DENND4C: variants seen among roughly 807,000 people sequenced by gnomAD.
DENND4C encodes DENN domain-containing protein 4C.
In DENND4C, 108 loss-of-function variants were observed where a neutral mutation model predicts 203.0. That is an observed-to-expected ratio of 0.53 (90% CI 0.46 to 0.62). The LOEUF is 0.62. Ranked by LOEUF, DENND4C falls within the 20% of genes least tolerant of loss-of-function variation. The pLI, the probability that DENND4C is intolerant of heterozygous loss-of-function variation, is 0.00. For missense variants in DENND4C, 2,481 were observed against 2,301.2 expected, an observed-to-expected ratio of 1.08 and a Z score of -1.60; for synonymous variants, 871 against 792.4, an observed-to-expected ratio of 1.10 and a Z score of -1.67.
chr9:19,316,648 C>A lies in DENND4C; in HGVS notation c.1616C>A (p.Ala539Glu). ...SVHQKTQEGS[A>E]IDMTPIEADF... The stretch of plus-strand genomic sequence containing the variant: ...CACCAAAAAACTCAAGAAGGCTCAG[C>A]GATTGACATGACTCCAATTGAAGCA... The change falls in exon 12 of 33, where the codon GCG (alanine) becomes GAG (glutamate). Residue 539 changes from alanine (A) to glutamate (E), a missense_variant. This residue lies in a region of DENND4C where 2,289 missense variants were observed against 2,113.3 expected (regional missense o/e 1.08). Transcript: ENST00000434457. 1 of 1,613,920 alleles carries A rather than the reference C, an allele frequency of 6.2e-7. No homozygotes were observed.
At chr9:19,318,057 G>T (rs1413068931) in intron 12 of DENND4C, among the ~76,000 whole-genome samples, 1 of 152,196 alleles carries the variant, frequency 6.6e-6, no homozygotes, top group Non-Finnish European at 1.5e-5. Flanking sequence ...AGTGGCTCAC[G>T]CCTGTAATCC....
intron 1 of DENND4C, among the ~76,000 whole-genome samples, chr9:19,253,875 T>A (rs1318409805): frequency 6.6e-6 from 1 of 152,174 alleles, no homozygotes; most frequent in Non-Finnish European, 1.5e-5. Flanking sequence ...GCAAGGTGGC[T>A]CATTCCTGTA....
chr9:19,254,280 G>A (rs1020062017), intron 1 of DENND4C, among the ~76,000 whole-genome samples: 1 of 152,158 alleles, frequency 6.6e-6, no homozygotes, highest in Non-Finnish European at 1.5e-5. Context: ...AGAGATATCT[G>A]TACCCCCATG....
At chr9:19,283,897 A>T (rs1198428753) in intron 2 of DENND4C, among the ~76,000 whole-genome samples, 2 of 152,060 alleles carry the variant, frequency 1.3e-5, no homozygotes. Flanking sequence ...GCCCGCCCAG[A>T]TGCATTTCTT....
At position 19,358,280 on chromosome 9, in the gene DENND4C, C is replaced by T; in HGVS notation, c.5160+120C>T. The T allele has an allele frequency of 1.2e-6, 1 of 809,752 alleles. No individual in the cohort carries two copies. The highest frequency in any genetic ancestry group is 3.4e-5 in the South Asian group (1 of 29,518). 50.2% of individuals were successfully genotyped at this position (809,752 alleles called of 1,614,324 possible). A position where few individuals can be genotyped will look rare whatever the true frequency, so the allele number is the denominator to read the frequency against. ...TACATGAAAAGTGATAGAGTTTTTC[C>T]ATAAACAAATAACTTTTTATTGTGG... On this transcript the variant is annotated intron_variant, in intron 28 of 32. Transcript: ENST00000434457. The surrounding 1 kb of genome is among the most constrained non-coding windows in gnomAD (Gnocchi z 4.8).
chr9:19,349,205 G>C (rs552368889), intron 23 of DENND4C, among the ~76,000 whole-genome samples: 2 of 152,204 alleles, frequency 1.3e-5, no homozygotes, highest in South Asian at 2.1e-4. Flanking sequence ...CCAGGAGTTT[G>C]AGCCTAGCAT....
chr9:19,290,937 T>A, intron 5 of DENND4C, 61 bp downstream of exon 5: 1 of 1,478,768 alleles, frequency 6.8e-7, no homozygotes, highest in Middle Eastern at 1.8e-4. Flanking sequence ...ATAAAAAGGT[T>A]AATACAAGTT....
At chr9:19,263,025 G>A (rs555139674) in intron 1 of DENND4C, among the ~76,000 whole-genome samples, 1 of 152,308 alleles carries the variant, frequency 6.6e-6, no homozygotes, top group Admixed American at 6.5e-5. Context: ...TATCTTAGAG[G>A]AAGGCTTTTA....
intron 27 of DENND4C, chr9:19,357,442 CTCTT>C (rs1331562631): frequency 7.4e-5 from 24 of 325,202 alleles, no homozygotes; most frequent in South Asian, 3.2e-4. Context: ...GCGAAATGTT[CTCTT>C]TCTGTGAAAT....
At chr9:19,351,801 C>T (rs1824189913) in intron 24 of DENND4C, among the ~76,000 whole-genome samples, 1 of 143,224 alleles carries the variant, frequency 7.0e-6, no homozygotes, top group Non-Finnish European at 1.5e-5. Context: ...AGCGAGACTC[C>T]ATCTAAAAAA....
chr9:19,354,541 ATTCTAGCC>A, intron 26 of DENND4C, among the ~76,000 whole-genome samples: 1 of 123,938 alleles, frequency 8.1e-6, no homozygotes, highest in East Asian at 2.4e-4. Flanking sequence ...ATTACTTGTT[ATTCTAGCC>A]TTTTTTTTTT....
intron 1 of DENND4C, among the ~76,000 whole-genome samples, chr9:19,259,184 G>T (rs1828732224): frequency 6.6e-6 from 1 of 151,792 alleles, no homozygotes; most frequent in African/African-American, 2.4e-5. Flanking sequence ...TCAAATACTA[G>T]ATCTTATTCA....
chr9:19,308,566 C>A (rs1840136889), intron 10 of DENND4C, among the ~76,000 whole-genome samples: 1 of 152,294 alleles, frequency 6.6e-6, no homozygotes, highest in East Asian at 1.9e-4. Flanking sequence ...GGAATTAATT[C>A]TTTGTCTGCT....
At chr9:19,326,279 T>C in intron 15 of DENND4C, 85 bp downstream of exon 15, 1 of 1,393,436 alleles carries the variant, frequency 7.2e-7, no homozygotes, top group Non-Finnish European at 9.6e-7. Context: ...ATTAGTCTTT[T>C]GTGAAACTCA....
chr9:19,371,689 TAA>T, intron 31 of DENND4C, 65 bp from the exon 32 acceptor site: 2 of 801,184 alleles, frequency 2.5e-6, no homozygotes, highest in Non-Finnish European at 4.2e-6. Flanking sequence ...TCTTCACCAT[TAA>T]AAAAAATGCA....
intron 10 of DENND4C, among the ~76,000 whole-genome samples, chr9:19,312,594 A>C (rs770096081): frequency 3.5e-4 from 54 of 152,186 alleles, no homozygotes; most frequent in Admixed American, 3.3e-3. Context: ...CAGACATGGA[A>C]CAAGGGTGTG....
At position 19,352,093 on chromosome 9, in the gene DENND4C, G is replaced by C. The variant is rs2132080017; in HGVS notation, c.4516G>C (p.Gly1506Arg). 4.3e-6 allele frequency: 7 copies of C among 1,613,670 alleles called. No homozygotes were observed. The South Asian group carries it at 6.6e-5, about 15-fold the overall frequency. ...TGTAGGTGAAGTTCCATTTCCAAGA[G>C]GCATGAAAGGGCAAGACTTTGAAAA... is the stretch of plus-strand genomic sequence containing the variant. ...YPTGEVPFPR[G>R]MKGQDFEKSD... The change falls in exon 25 of 33, where the codon GGC (glycine) becomes CGC (arginine). Residue 1506 changes from glycine to arginine, a missense_variant. Around this residue, in one of 3 missense-constraint regions of DENND4C, gnomAD observed 2,289 missense variants for 2,113.3 expected, o/e 1.08. Coordinates refer to ENST00000434457, the MANE Select transcript of DENND4C (RefSeq NM_001330640.2).
At chr9:19,314,866 TA>T (rs973740779) in intron 10 of DENND4C, among the ~76,000 whole-genome samples, 18 of 151,952 alleles carry the variant, frequency 1.2e-4, no homozygotes, top group African/African-American at 4.3e-4. Flanking sequence ...CATTTTGGGT[TA>T]AAAAAAGAAT....
At chr9:19,267,884 C>T (rs528337169) in intron 1 of DENND4C, among the ~76,000 whole-genome samples, 32 of 152,112 alleles carry the variant, frequency 2.1e-4, no homozygotes, top group African/African-American at 3.9e-4. Flanking sequence ...TGTTTAAATC[C>T]GTTCAGCCTC....
Sources: allele counts gnomAD v4.1 joint callset (sites outside exome capture counted in the v4.1 genomes callset), GRCh38; gene constraint gnomAD v4.1.1; regional missense constraint gnomAD v4.1.1; non-coding constraint Gnocchi (gnomAD v3.1); transcripts MANE v1.5; gene names NCBI Gene and HGNC (gene_info 2026-07-23, HGNC 2026-07-21).